Variants in EBF1 observed in about 807,000 individuals in gnomAD.
EBF1 encodes EBF transcription factor 1.
A neutral mutation model predicts 68.4 loss-of-function variants in EBF1; 10 were observed. The ratio of observed to expected loss-of-function variants is 0.15; its 90% CI spans 0.09 to 0.25. EBF1 has a LOEUF of 0.25. Ranked by LOEUF, EBF1 falls within the 10% of genes least tolerant of loss-of-function variation. The pLI is 1.00. For synonymous variants in EBF1, 298 were observed against 299.8 expected, an observed-to-expected ratio of 0.99 and a Z score of 0.06; for missense variants, 509 against 794.4, an observed-to-expected ratio of 0.64 and a Z score of 4.32.
chr5:158,717,156 T>C (rs1200438568), intron 11 of EBF1, among the ~76,000 whole-genome samples: 1 of 152,226 alleles, frequency 6.6e-6, no homozygotes, highest in Non-Finnish European at 1.5e-5. Flanking sequence ...AAAGGCATTA[T>C]AAAAATGACA....
Position 159,070,369 on chromosome 5 carries a change from A to G in EBF1, c.554+3027T>C, listed in dbSNP as rs150282230. ...GGGTCATATGTTTCTCAGTCTGTGCATGCCATAAGGATGAAGTATAATAGA... is the reference window on the plus strand; with the variant it reads ...GGGTCATATGTTTCTCAGTCTGTGCGTGCCATAAGGATGAAGTATAATAGA... On this transcript the variant is annotated intron_variant, in intron 6 of 15. Coordinates refer to ENST00000313708, the MANE Select transcript of EBF1 (RefSeq NM_024007.5). 1.3e-4 allele frequency among the ~76,000 whole-genome samples: 20 copies of G among 152,308 alleles called. No individual in the cohort carries two copies. The East Asian group carries it at 3.7e-3, about 28-fold the overall frequency.
chr5:159,025,971 C>CA (rs1360946014), intron 6 of EBF1, among the ~76,000 whole-genome samples: 2 of 152,036 alleles, frequency 1.3e-5, no homozygotes, highest in East Asian at 1.9e-4. Context: ...TTGATTGTCT[C>CA]AAAAAAATAC....
chr5:158,753,156 A>T (rs1226843360), intron 10 of EBF1, among the ~76,000 whole-genome samples: 1 of 152,094 alleles, frequency 6.6e-6, no homozygotes, highest in East Asian at 1.9e-4. Context: ...GCAATCTAAC[A>T]GGATAATATA....
At chr5:158,991,486 A>G (rs772228977) in intron 6 of EBF1, among the ~76,000 whole-genome samples, 2 of 152,198 alleles carry the variant, frequency 1.3e-5, no homozygotes, top group Non-Finnish European at 1.5e-5. Flanking sequence ...ACACTACCAC[A>G]TGTTTTGCCA....
At chr5:158,704,008 A>T (rs563804682) in intron 15 of EBF1, among the ~76,000 whole-genome samples, 194 of 152,330 alleles carry the variant, frequency 1.3e-3, no homozygotes, top group Non-Finnish European at 2.5e-3. Flanking sequence ...AGTGACTTGA[A>T]TATAGAAATG....
rs1561897621 is a variant in EBF1, at chr5:158,777,503, G to T, written c.946C>A (p.Pro316Thr). The stretch of plus-strand genomic sequence containing the variant: ...TCCACAACACCAGGGATGTGCCGAG[G>T]AGGGGTCTGCACACGGATGGCATGA... ...TPHAIRVQTPPRHIPGVVEVT... is the reference protein window; with the variant it reads ...TPHAIRVQTPTRHIPGVVEVT... Residue 316 changes from proline (P) to threonine (T), a missense_variant, in exon 10 of 16, where the codon CCT (proline) becomes ACT (threonine). Transcript: ENST00000313708. The T allele has an allele frequency of 6.2e-7, 1 of 1,612,712 alleles. No individual in the cohort carries two copies. Among genetic ancestry groups the T allele is most frequent in the Non-Finnish European group, 8.5e-7 (1 of 1,179,150 alleles).
intron 4 of EBF1, among the ~76,000 whole-genome samples, chr5:159,090,564 GT>G (rs1781446426): frequency 6.6e-6 from 1 of 152,236 alleles, no homozygotes; most frequent in South Asian, 2.1e-4. Flanking sequence ...GTGCTGTTCA[GT>G]TACATCACAG....
intron 8 of EBF1, among the ~76,000 whole-genome samples, chr5:158,812,315 A>G (rs1475895740): frequency 6.6e-6 from 1 of 152,222 alleles, no homozygotes; most frequent in African/African-American, 2.4e-5. Context: ...AGTTATTAAC[A>G]ATTGCCACTA....
In EBF1 at chr5:158,698,829, AAAAAG is replaced by A; in HGVS notation, c.*277_*281del. ...GATTGCAGAATTAAGCTTAAAAAAA[AAAAAG>A]AAAAAGAAAAAGTGGATTTGCTTTT... On this transcript the variant is annotated 3_prime_UTR_variant, in exon 16 of 16. Transcript: ENST00000313708. The A allele has an allele frequency of 6.1e-6, 2 of 327,494 alleles. No individual in the cohort carries two copies. Among genetic ancestry groups the A allele is most frequent in the Non-Finnish European group, 1.1e-5 (2 of 181,194 alleles). 20.3% of individuals were successfully genotyped at this position (327,494 alleles called of 1,614,324 possible). A position where few individuals can be genotyped will look rare whatever the true frequency, so the allele number is the denominator to read the frequency against.
intron 6 of EBF1, among the ~76,000 whole-genome samples, chr5:159,027,413 T>A (rs73818911): frequency 0.052 from 7,901 of 152,228 alleles, 576 homozygotes; most frequent in East Asian, 0.32. Context: ...CCAGACCAGG[T>A]TAGGCTGCCC....
Position 158,823,285 on chromosome 5 carries a change from G to T in EBF1, c.669C>A (p.Gly223=), listed in dbSNP as rs1785267171. Residue 223 remains glycine, a synonymous_variant, in exon 8 of 16, where the codon GGC becomes GGA. Transcript: ENST00000313708. ...TGTTATCAGAGACTGCCAGGACATG[G>T]CCATCCACATTGACTGTCGTAGACA... ...VVVSTTVNVD[G]HVLAVSDNMF... 1.9e-6 allele frequency: 3 copies of T among 1,613,748 alleles called. No individual in the cohort carries two copies. The South Asian group carries it at 3.3e-5, about 18-fold the overall frequency.
chr5:158,737,376 C>A (rs914306343), intron 10 of EBF1, among the ~76,000 whole-genome samples: 43 of 141,882 alleles, frequency 3.0e-4, no homozygotes, highest in Admixed American at 1.1e-3. Context: ...CTCCGCCTCC[C>A]GGGTTCATGC....
chr5:159,071,940 A>C (rs1264064683), intron 6 of EBF1, among the ~76,000 whole-genome samples: 1 of 152,212 alleles, frequency 6.6e-6, no homozygotes, highest in Non-Finnish European at 1.5e-5. Flanking sequence ...TATTTTGGAG[A>C]GGTAAATTTA....
chr5:158,778,973 C>T (rs771829272), intron 9 of EBF1, among the ~76,000 whole-genome samples: 4 of 151,868 alleles, frequency 2.6e-5, no homozygotes, highest in Non-Finnish European at 5.9e-5. Flanking sequence ...GTTCTTAGCA[C>T]CTTCTAATTT....
At chr5:158,747,882 G>A (rs1767948371) in intron 10 of EBF1, among the ~76,000 whole-genome samples, 1 of 152,180 alleles carries the variant, frequency 6.6e-6, no homozygotes, top group African/African-American at 2.4e-5. Context: ...AAGACCCTTA[G>A]GACGATAGAG....
chr5:158,814,830 C>T (rs1783401397), intron 8 of EBF1, among the ~76,000 whole-genome samples: 1 of 152,086 alleles, frequency 6.6e-6, no homozygotes, highest in Admixed American at 6.6e-5. Flanking sequence ...TACTAGTCAT[C>T]GAATAAAATC....
At chr5:158,776,715 T>C (rs534320213) in intron 10 of EBF1, among the ~76,000 whole-genome samples, 1 of 152,282 alleles carries the variant, frequency 6.6e-6, no homozygotes, top group African/African-American at 2.4e-5. Flanking sequence ...AGGTTCTACC[T>C]AGACCTACTG....
intron 6 of EBF1, among the ~76,000 whole-genome samples, chr5:159,060,194 A>C (rs1247664549): frequency 1.3e-5 from 2 of 152,214 alleles, no homozygotes; most frequent in Non-Finnish European, 2.9e-5. Flanking sequence ...AATCCTAAAA[A>C]TAAAAATAAT....
chr5:158,728,278 G>A (rs545238209), intron 11 of EBF1, among the ~76,000 whole-genome samples: 1 of 152,254 alleles, frequency 6.6e-6, no homozygotes, highest in African/African-American at 2.4e-5. Context: ...ACGATCAAGT[G>A]GCTAGATGCA....
Sources: gnomAD v4.1 joint callset for allele counts (sites outside exome capture counted in the v4.1 genomes callset) on GRCh38, gnomAD v4.1.1 for gene constraint, MANE v1.5 for transcripts, NCBI Gene and HGNC (gene_info 2026-07-23, HGNC 2026-07-21) for gene names.